PPFIA2: variants seen among roughly 807,000 people sequenced by gnomAD.
The protein encoded by PPFIA2 is PPFI scaffold protein A2, also known as liprin-alpha-2.
A neutral mutation model predicts 175.5 loss-of-function variants in PPFIA2; 46 were observed. The observed-to-expected ratio is 0.26, with a 90% CI of 0.21 to 0.34. PPFIA2 has a LOEUF of 0.34. Among genes scored for constraint, PPFIA2 ranks in the 10% least tolerant of loss-of-function variants. PPFIA2 has a pLI of 1.00. For synonymous variants in PPFIA2, 568 were observed against 511.4 expected, an observed-to-expected ratio of 1.11 and a Z score of -1.49; for missense variants, 1,179 against 1,506.1, an observed-to-expected ratio of 0.78 and a Z score of 3.60.
intron 7 of PPFIA2, among the ~76,000 whole-genome samples, chr12:81,427,559 A>G (rs150023604): frequency 6.2e-4 from 94 of 152,172 alleles, no homozygotes; most frequent in African/African-American, 2.1e-3. Flanking sequence ...GAATTATTCT[A>G]TGAACAAATA....
At chr12:81,428,294 T>G (rs1235093849) in intron 7 of PPFIA2, among the ~76,000 whole-genome samples, 2 of 151,942 alleles carry the variant, frequency 1.3e-5, no homozygotes, top group African/African-American at 2.4e-5. Context: ...CTGGAAAGAT[T>G]TGCAAACAAA....
At chr12:81,531,417 A>G (rs1181381619) in intron 4 of PPFIA2, among the ~76,000 whole-genome samples, 1 of 151,808 alleles carries the variant, frequency 6.6e-6, no homozygotes, top group East Asian at 1.9e-4. Context: ...TGCAGAAAAA[A>G]GGAAACAAAA....
intron 4 of PPFIA2, among the ~76,000 whole-genome samples, chr12:81,534,870 T>C (rs2153308878): frequency 6.6e-6 from 1 of 151,712 alleles, no homozygotes; most frequent in Admixed American, 6.6e-5. Flanking sequence ...GTGTTGAAAT[T>C]CTAGGGAGGG....
intron 4 of PPFIA2, among the ~76,000 whole-genome samples, chr12:81,459,100 G>A (rs2054082048): frequency 6.6e-6 from 1 of 152,148 alleles, no homozygotes; most frequent in African/African-American, 2.4e-5. Flanking sequence ...GCCCAAGTGA[G>A]TACTTCAAAG....
chr12:81,639,318 T>C (rs193187769), intron 4 of PPFIA2, among the ~76,000 whole-genome samples: 39 of 151,888 alleles, frequency 2.6e-4, no homozygotes, highest in Non-Finnish European at 5.3e-4. Context: ...CCAAATACCA[T>C]CTGCAAGAAA....
intron 2 of PPFIA2, among the ~76,000 whole-genome samples, chr12:81,754,745 C>A (rs929402035): frequency 4.6e-5 from 7 of 152,138 alleles, no homozygotes; most frequent in African/African-American, 1.7e-4. Flanking sequence ...AGAAAATATA[C>A]AAATCATTGA....
intron 5 of PPFIA2, among the ~76,000 whole-genome samples, chr12:81,457,512 A>G (rs2053797810): frequency 6.6e-6 from 1 of 152,164 alleles, no homozygotes; most frequent in South Asian, 2.1e-4. Flanking sequence ...CAAATAAAGT[A>G]AAGGCCAGAA....
chr12:81,719,195 C>T (rs2079022222), intron 3 of PPFIA2, among the ~76,000 whole-genome samples: 1 of 151,564 alleles, frequency 6.6e-6, no homozygotes, highest in Admixed American at 6.6e-5. Context: ...TACTGGACTT[C>T]ATAGAAATAT....
At chr12:81,620,159 CAAA>C (rs376856927) in intron 4 of PPFIA2, among the ~76,000 whole-genome samples, 2 of 54,614 alleles carry the variant, frequency 3.7e-5, no homozygotes, top group African/African-American at 7.8e-5. Flanking sequence ...CACTCCTTCT[CAAA>C]AAAAAAAAAA....
At chr12:81,654,277 T>A (rs764590676) in intron 4 of PPFIA2, among the ~76,000 whole-genome samples, 9 of 152,004 alleles carry the variant, frequency 5.9e-5, no homozygotes, top group Non-Finnish European at 1.0e-4. Context: ...TTATACTGAT[T>A]TTTTTTCTTA....
chr12:81,678,505 A>G (rs1293087087), intron 3 of PPFIA2, among the ~76,000 whole-genome samples: 2 of 151,932 alleles, frequency 1.3e-5, no homozygotes, highest in East Asian at 3.9e-4. Context: ...TTATTCATGC[A>G]TAGTCTATTA....
chr12:81,423,959 T>A (rs183761287), intron 7 of PPFIA2, among the ~76,000 whole-genome samples: 2 of 151,806 alleles, frequency 1.3e-5, no homozygotes, highest in African/African-American at 4.8e-5. Context: ...AACAACAATA[T>A]AAAAAGGAAA....
intron 8 of PPFIA2, among the ~76,000 whole-genome samples, chr12:81,400,311 T>A (rs2041899388): frequency 6.6e-6 from 1 of 152,166 alleles, no homozygotes; most frequent in African/African-American, 2.4e-5. Context: ...ATTTTTGTCA[T>A]TGGTTGTTCA....
rs71466029 is a variant in PPFIA2 at position 81,671,655 on chromosome 12, C to T, written c.303+5136G>A. ...TTTAGTATAAAGTACAAATTCCTTCCATGTAATTTATCATATTCTTGCCCA... is the reference window on the plus strand; with the variant it reads ...TTTAGTATAAAGTACAAATTCCTTCTATGTAATTTATCATATTCTTGCCCA... On this transcript the variant is annotated intron_variant, in intron 4 of 32. Transcript: ENST00000549396. 8.0e-3 allele frequency among the ~76,000 whole-genome samples: 1,215 copies of T among 151,990 alleles called. 10 individuals carry two copies. Among genetic ancestry groups the T allele is most frequent in the Middle Eastern group, 0.024 (7 of 292 alleles).
intron 4 of PPFIA2, among the ~76,000 whole-genome samples, chr12:81,500,646 A>G (rs1050822206): frequency 2.0e-5 from 3 of 152,204 alleles, no homozygotes; most frequent in Admixed American, 2.0e-4. Flanking sequence ...TTTAACTTAA[A>G]TTAATACAAT....
chr12:81,258,087 A>C lies in PPFIA2; in HGVS notation c.*1607T>G, dbSNP rs547021560. ...AAGCTACTTCTCATTGTTCCTACTC[A>C]GGCCACATTTTTAGAAAAAAATTTT... On this transcript the variant is annotated 3_prime_UTR_variant, in exon 33 of 33. Coordinates refer to ENST00000549396, the MANE Select transcript of PPFIA2 (RefSeq NM_003625.5). 49 of 152,204 alleles carry C rather than the reference A, an allele frequency of 3.2e-4. No homozygotes were observed. The highest frequency in any genetic ancestry group is 2.1e-4 in the South Asian group (1 of 4,826). The allele number at this position is 152,204 out of a possible 1,614,324, so 9.4% of individuals were successfully genotyped here. A position where few individuals can be genotyped will look rare whatever the true frequency, so the allele number is the denominator to read the frequency against.
chr12:81,536,630 A>C (rs2153318538), intron 4 of PPFIA2, among the ~76,000 whole-genome samples: 1 of 149,774 alleles, frequency 6.7e-6, no homozygotes, highest in Non-Finnish European at 1.5e-5. Flanking sequence ...TTGAAGATTA[A>C]CCAATTAGTA....
intron 7 of PPFIA2, among the ~76,000 whole-genome samples, chr12:81,416,162 C>T (rs2045220031): frequency 1.3e-5 from 2 of 151,370 alleles, no homozygotes. Context: ...GAAAAATAGC[C>T]AAGGAAGCTG....
intron 28 of PPFIA2, among the ~76,000 whole-genome samples, chr12:81,272,680 G>C (rs1477538146): frequency 6.6e-6 from 1 of 151,916 alleles, no homozygotes; most frequent in Non-Finnish European, 1.5e-5. Context: ...GCCATTATCT[G>C]ACATGTCTGA....
Sources: allele counts gnomAD v4.1 joint callset (sites outside exome capture counted in the v4.1 genomes callset), GRCh38; gene constraint gnomAD v4.1.1; transcripts MANE v1.5; gene names NCBI Gene and HGNC (gene_info 2026-07-23, HGNC 2026-07-21).